Variants in KLHL22 observed in about 807,000 individuals in gnomAD.
The protein encoded by KLHL22 is kelch like family member 22, also known as kelch-like protein 22.
A neutral mutation model predicts 60.7 loss-of-function variants in KLHL22; 18 were observed. That is an observed-to-expected ratio of 0.30 (90% CI 0.20 to 0.44). The LOEUF (loss-of-function observed/expected upper bound fraction) is 0.44, where lower values mean the gene tolerates loss of function less well. KLHL22 is among the 20% of genes least tolerant of loss of function. The pLI, the probability that KLHL22 is intolerant of heterozygous loss-of-function variation, is 1.00. For synonymous variants in KLHL22, 355 were observed against 354.5 expected, an observed-to-expected ratio of 1.00 and a Z score of -0.01; for missense variants, 596 against 852.3, an observed-to-expected ratio of 0.70 and a Z score of 3.74.
At chr22:20,494,194 G>C (rs192130401) in intron 1 of KLHL22, among the ~76,000 whole-genome samples, 1 of 151,886 alleles carries the variant, frequency 6.6e-6, no homozygotes, top group South Asian at 2.1e-4. Flanking sequence ...AATATAGCGC[G>C]ACCCTTTCTC....
intron 5 of KLHL22, among the ~76,000 whole-genome samples, chr22:20,455,695 G>T (rs920178920): frequency 3.3e-5 from 5 of 152,162 alleles, no homozygotes; most frequent in Non-Finnish European, 7.3e-5. Flanking sequence ...CCCCAGTTTT[G>T]CTTGCTTCGA....
intron 1 of KLHL22, among the ~76,000 whole-genome samples, chr22:20,494,515 G>A (rs2053739679): frequency 6.6e-6 from 1 of 152,100 alleles, no homozygotes; most frequent in Non-Finnish European, 1.5e-5. Flanking sequence ...CGAGTAGCTG[G>A]GATTACAAGC....
rs759553062 is a variant in KLHL22 at position 20,489,278 on chromosome 22, C to T, written c.-33-34G>A. On this transcript the variant is annotated intron_variant, in intron 1 of 6. Transcript: ENST00000328879. ...TGGCAAAACAGGGGACAGGGGTGAG[C>T]AGGCAGGCATCAGCCCCACCACACA... is the stretch of plus-strand genomic sequence containing the variant. The T allele has an allele frequency of 5.3e-6, 8 of 1,518,732 alleles. No individual in the cohort carries two copies. The African/African-American group carries it at 9.6e-5, about 18-fold the overall frequency. The allele number at this position is 1,518,732 out of a possible 1,614,324, so 94.1% of individuals were successfully genotyped here. A position where few individuals can be genotyped will look rare whatever the true frequency, so the allele number is the denominator to read the frequency against.
intron 5 of KLHL22, chr22:20,451,048 T>G (rs2052968976): frequency 2.0e-6 from 3 of 1,508,906 alleles, no homozygotes; most frequent in South Asian, 2.3e-5. Context: ...GGAGTGGAGC[T>G]TTTTGCCAAG....
chr22:20,449,205 C>T (rs2052933869), intron 5 of KLHL22, among the ~76,000 whole-genome samples: 1 of 151,556 alleles, frequency 6.6e-6, no homozygotes, highest in Non-Finnish European at 1.5e-5. Context: ...GGACTATAGA[C>T]GTCCGCCACC....
intron 6 of KLHL22, 96 bp from the exon 7 acceptor site, chr22:20,442,534 AC>A: frequency 4.2e-6 from 6 of 1,414,602 alleles, no homozygotes; most frequent in Non-Finnish European, 5.6e-6. Flanking sequence ...ACAGTTACCC[AC>A]CATTCTGACA....
rs145738044 is a variant in KLHL22, at chr22:20,485,156, A to G, written c.227+3829T>C. 3.1e-3 allele frequency among the ~76,000 whole-genome samples: 465 copies of G among 152,284 alleles called. 3 individuals are homozygous for G. The highest frequency in any genetic ancestry group is 5.4e-3 in the Non-Finnish European group (369 of 68,008). On this transcript the variant is annotated intron_variant, in intron 2 of 6. Transcript: ENST00000328879. ...CAGTCTTTTATAATTCACAGATGGA[A>G]TGAAAACTAAGGGAGGGACGAGGTG...
intron 5 of KLHL22, chr22:20,450,073 G>A (rs1395222519): frequency 1.2e-5 from 9 of 730,544 alleles, no homozygotes; most frequent in Non-Finnish European, 2.3e-5. Flanking sequence ...ATCAGAAGCA[G>A]AGTTGCAGAA....
chr22:20,489,017 G>T lies in KLHL22; in HGVS notation c.195C>A (p.Arg65=). The change falls in exon 2 of 7, where the codon CGC becomes CGA. Residue 65 remains arginine (R), a synonymous_variant. Transcript: ENST00000328879. Reference sequence around the variant, plus strand: ...AATCGCAGGACGCAGCCAGCAGGATGCGATGGGCCTCGATGTGTCTGCCCT... The same window carrying T: ...AATCGCAGGACGCAGCCAGCAGGATTCGATGGGCCTCGATGTGTCTGCCCT... The part of the protein sequence containing the change: ...VVEGRHIEAH[R]ILLAASCDYF... 1 of 1,614,026 alleles carries T rather than the reference G, an allele frequency of 6.2e-7. No homozygotes were observed. The highest frequency in any genetic ancestry group is 1.3e-5 in the African/African-American group (1 of 75,050).
chr22:20,484,344 G>T (rs1365159147), intron 2 of KLHL22, among the ~76,000 whole-genome samples: 4 of 152,018 alleles, frequency 2.6e-5, no homozygotes, highest in African/African-American at 4.8e-5. Flanking sequence ...ATCCAGTCTG[G>T]AGTGCAGTGA....
chr22:20,478,205 A>T (rs893195542), intron 2 of KLHL22, among the ~76,000 whole-genome samples: 4 of 144,664 alleles, frequency 2.8e-5, no homozygotes, highest in African/African-American at 1.0e-4. Context: ...ACCAAATTTA[A>T]TTTTTTTTTT....
intron 4 of KLHL22, among the ~76,000 whole-genome samples, chr22:20,461,461 G>A (rs988705256): frequency 6.7e-6 from 1 of 150,300 alleles, no homozygotes; most frequent in Non-Finnish European, 1.5e-5. Flanking sequence ...GCTGAGGCAG[G>A]AGAATGGTGT....
chr22:20,470,827 G>GATGGATGGATGGATGGATGC (rs1423348774), intron 3 of KLHL22, among the ~76,000 whole-genome samples: 1 of 142,554 alleles, frequency 7.0e-6, no homozygotes, highest in African/African-American at 3.0e-5. Flanking sequence ...TGGATGGATG[G>GATGGATGGATGGATGGATGC]ATGCATGCAT....
intron 2 of KLHL22, chr22:20,482,672 A>T: frequency 1.9e-6 from 1 of 539,540 alleles, no homozygotes; most frequent in Non-Finnish European, 3.3e-6. Context: ...TCCCAGGTTC[A>T]AGCGGTACTT....
At chr22:20,490,460 C>T (rs551782831) in intron 1 of KLHL22, among the ~76,000 whole-genome samples, 2 of 152,278 alleles carry the variant, frequency 1.3e-5, no homozygotes, top group East Asian at 3.9e-4. Flanking sequence ...TTTTTCCTCT[C>T]CTCTTATACC....
intron 2 of KLHL22, 109 bp from the exon 3 acceptor site, chr22:20,471,624 T>G: frequency 2.5e-6 from 3 of 1,183,748 alleles, no homozygotes; most frequent in Non-Finnish European, 3.7e-6. Flanking sequence ...GGCAGGGCCC[T>G]GGTAGTGGGC....
intron 2 of KLHL22, 110 bp downstream of exon 2, chr22:20,488,875 G>C (rs2053632965): frequency 1.0e-6 from 1 of 982,228 alleles, no homozygotes; most frequent in Admixed American, 2.1e-5. Context: ...AAGGAGTAGG[G>C]GAGGCTCTGA....
At chr22:20,487,616 A>G (rs1222040553) in intron 2 of KLHL22, among the ~76,000 whole-genome samples, 31 of 151,980 alleles carry the variant, frequency 2.0e-4, no homozygotes, top group Admixed American at 1.3e-4. Flanking sequence ...CCCCTTCCCA[A>G]TGGAAGTGGA....
intron 2 of KLHL22, chr22:20,483,061 C>T (rs1425394126): frequency 1.5e-5 from 10 of 663,426 alleles, no homozygotes; most frequent in Non-Finnish European, 2.5e-5. Context: ...GGATTTGTGC[C>T]ACCTCTGACT....
Sources: allele counts gnomAD v4.1 joint callset (sites outside exome capture counted in the v4.1 genomes callset), GRCh38; gene constraint gnomAD v4.1.1; transcripts MANE v1.5; gene names NCBI Gene and HGNC (gene_info 2026-07-23, HGNC 2026-07-21).